ZCCHC3: variants seen among roughly 807,000 people sequenced by gnomAD.
The protein encoded by ZCCHC3 is zinc finger CCHC domain-containing protein 3.
A neutral mutation model predicts 18.4 loss-of-function variants in ZCCHC3; 20 were observed. That is an observed-to-expected ratio of 1.09 (90% CI 0.76 to 1.58). The LOEUF (loss-of-function observed/expected upper bound fraction) is 1.58. Ranked by LOEUF, ZCCHC3 falls within the 40% of genes most tolerant of loss-of-function variation. The pLI, the probability that ZCCHC3 is intolerant of heterozygous loss-of-function variation, is 0.00. For synonymous variants in ZCCHC3, 310 were observed against 232.7 expected, an observed-to-expected ratio of 1.33 and a Z score of -3.02; for missense variants, 548 against 511.2, an observed-to-expected ratio of 1.07 and a Z score of -0.69.
At position 298,884 on chromosome 20, in the gene ZCCHC3, T is replaced by G. The variant is rs773297580; in HGVS notation, c.*86T>G. On this transcript the variant is annotated 3_prime_UTR_variant, in exon 1 of 1. Transcript: ENST00000500893. The stretch of plus-strand genomic sequence containing the variant: ...TTTTTTTTAAACCATTTTTTATCGT[T>G]TTTGAAGGAGATCTTTTTAAAACCT... 12 of 1,419,972 alleles carry G rather than the reference T, an allele frequency of 8.5e-6. No individual in the cohort carries two copies. The highest frequency in any genetic ancestry group is 1.0e-5 in the Non-Finnish European group (11 of 1,072,592). The allele number at this position is 1,419,972 out of a possible 1,614,324, so 88.0% of individuals were successfully genotyped here.
At position 299,105 on chromosome 20, in the gene ZCCHC3, G is replaced by GCCCCCCC. The variant is rs143844000; in HGVS notation, c.*313_*314insCCCCCCC. On this transcript the variant is annotated 3_prime_UTR_variant, in exon 1 of 1. Coordinates refer to ENST00000500893, the MANE Select transcript of ZCCHC3 (RefSeq NM_033089.7). ...TCTTGTACTTTTTCTCTCTCTCCTT[G>GCCCCCCC]CCCCCCTCCCGCCCTCCCCGCCCCA... 1.3e-5 allele frequency: 3 copies of GCCCCCCC among 235,670 alleles called. No individual in the cohort carries two copies. Among genetic ancestry groups the GCCCCCCC allele is most frequent in the African/African-American group, 7.4e-5 (3 of 40,648 alleles). 14.6% of individuals were successfully genotyped at this position (235,670 alleles called of 1,614,324 possible).
Position 298,974 on chromosome 20 carries a change from G to T in ZCCHC3, c.*176G>T. 4 of 565,574 alleles carry T rather than the reference G, an allele frequency of 7.1e-6. No individual in the cohort carries two copies. Among genetic ancestry groups the T allele is most frequent in the Non-Finnish European group, 8.5e-6 (3 of 353,660 alleles). 35.0% of individuals were successfully genotyped at this position (565,574 alleles called of 1,614,324 possible). On this transcript the variant is annotated 3_prime_UTR_variant, in exon 1 of 1. Transcript: ENST00000500893. Reference sequence around the variant, plus strand: ...CTCCATTTCAGCCTGTTCTGAATTGGTGACTCTGTCACCAATAACGACTGC... The same window carrying T: ...CTCCATTTCAGCCTGTTCTGAATTGTTGACTCTGTCACCAATAACGACTGC...
Position 298,011 on chromosome 20 carries a change from C to T in ZCCHC3, c.425C>T (p.Ala142Val). The part of the protein sequence containing the change: ...AMATPARPGE[A>V]EDAAERPLQD... ...GCGACCCCGGCCAGGCCCGGCGAGGCCGAGGACGCGGCCGAGCGGCCCCTC... is the reference window on the plus strand; with the variant it reads ...GCGACCCCGGCCAGGCCCGGCGAGGTCGAGGACGCGGCCGAGCGGCCCCTC... Residue 142 changes from alanine (A) to valine (V), a missense_variant, in exon 1 of 1, where the codon GCC becomes GTC. Coordinates refer to ENST00000500893, the MANE Select transcript of ZCCHC3 (RefSeq NM_033089.7). The T allele has an allele frequency of 7.1e-7, 1 of 1,410,178 alleles. No homozygotes were observed. Among genetic ancestry groups the T allele is most frequent in the Non-Finnish European group, 9.2e-7 (1 of 1,088,250 alleles). 87.4% of individuals were successfully genotyped at this position (1,410,178 alleles called of 1,614,324 possible). A position where few individuals can be genotyped will look rare whatever the true frequency, so the allele number is the denominator to read the frequency against.
rs933658122 is a variant in ZCCHC3 at position 297,648 on chromosome 20, C to T, written c.62C>T (p.Pro21Leu). ...CGGGGGCGGCCGCAGCTTCTGCCCC[C>T]CGCGCGGCCCGCGGCCCGGGGCGAG... ...RKRGRPQLLPPARPAARGEEA... is the reference protein window; with the variant it reads ...RKRGRPQLLPLARPAARGEEA... Residue 21 changes from proline (P) to leucine (L), a missense_variant, in exon 1 of 1, where the codon CCC becomes CTC. Physicochemically the swap from Pro to Leu is moderately conservative, Grantham distance 98 (BLOSUM62 -3). Coordinates refer to ENST00000500893, the MANE Select transcript of ZCCHC3 (RefSeq NM_033089.7). 3 of 1,370,580 alleles carry T rather than the reference C, an allele frequency of 2.2e-6. No individual in the cohort carries two copies. Among genetic ancestry groups the T allele is most frequent in the African/African-American group, 1.5e-5 (1 of 65,124 alleles). The allele number at this position is 1,370,580 out of a possible 1,614,324, so 84.9% of individuals were successfully genotyped here.
chr20:297,736 G>T lies in ZCCHC3; in HGVS notation c.150G>T (p.Lys50Asn). Residue 50 changes from lysine to asparagine, a missense_variant, in exon 1 of 1, where the codon AAG becomes AAT. Coordinates refer to ENST00000500893, the MANE Select transcript of ZCCHC3 (RefSeq NM_033089.7). ...AGGTGGTGAAGAATCTAGCCGAGAAGAAGGGCGAATTCCGCGAGCCGCGGC... is the reference window on the plus strand; with the variant it reads ...AGGTGGTGAAGAATCTAGCCGAGAATAAGGGCGAATTCCGCGAGCCGCGGC... The part of the protein sequence containing the change: ...WAQVVKNLAE[K>N]KGEFREPRPP... 1 of 1,377,928 alleles carries T rather than the reference G, an allele frequency of 7.3e-7. No homozygotes were observed. Among genetic ancestry groups the T allele is most frequent in the Admixed American group, 3.2e-5 (1 of 30,938 alleles). The allele number at this position is 1,377,928 out of a possible 1,614,324, so 85.4% of individuals were successfully genotyped here. A position where few individuals can be genotyped will look rare whatever the true frequency, so the allele number is the denominator to read the frequency against.
Position 298,519 on chromosome 20 carries a change from G to A in ZCCHC3, c.933G>A (p.Arg311=). 1.3e-6 allele frequency: 1 copy of A among 754,396 alleles called. No individual in the cohort carries two copies. Among genetic ancestry groups the A allele is most frequent in the Non-Finnish European group, 2.5e-6 (1 of 404,000 alleles). 46.7% of individuals were successfully genotyped at this position (754,396 alleles called of 1,614,324 possible). ...TGCGCCAGGGGGAGGGCGGGGTCAG[G>A]CACTTGCCAGGGGCCTTCTTCCTGG... ...IELRQGEGGV[R]HLPGAFFLGA... is the part of the protein sequence containing the mutation. The change falls in exon 1 of 1, where the codon AGG becomes AGA. Residue 311 remains arginine, a synonymous_variant. Coordinates refer to ENST00000500893, the MANE Select transcript of ZCCHC3 (RefSeq NM_033089.7).
At position 297,770 on chromosome 20, in the gene ZCCHC3, C is replaced by T. The variant is rs1322898392; in HGVS notation, c.184C>T (p.Arg62Trp). ...ATTCCGCGAGCCGCGGCCGCCGCGG[C>T]GGGAGGAGGAAAGCGGCGGCGGTGG... ...GEFREPRPPRREEESGGGGGS... is the reference protein window; with the variant it reads ...GEFREPRPPRWEEESGGGGGS... Residue 62 changes from arginine to tryptophan, a missense_variant, in exon 1 of 1, where the codon CGG (arginine) becomes TGG (tryptophan). Coordinates refer to ENST00000500893, the MANE Select transcript of ZCCHC3 (RefSeq NM_033089.7). 7.3e-7 allele frequency: 1 copy of T among 1,375,316 alleles called. No individual in the cohort carries two copies. Among genetic ancestry groups the T allele is most frequent in the Non-Finnish European group, 9.4e-7 (1 of 1,059,210 alleles). 85.2% of individuals were successfully genotyped at this position (1,375,316 alleles called of 1,614,324 possible).
Position 298,501 on chromosome 20 carries a change from G to C in ZCCHC3, c.915G>C (p.Gln305His), listed in dbSNP as rs2012685377. Residue 305 changes from glutamine to histidine, a missense_variant, in exon 1 of 1, where the codon CAG (glutamine) becomes CAC (histidine). Physicochemically the swap from Gln to His is conservative, Grantham distance 24. Coordinates refer to ENST00000500893, the MANE Select transcript of ZCCHC3 (RefSeq NM_033089.7). Reference sequence around the variant, plus strand: ...ACAAATGCGAGATCGAGCTGCGCCAGGGGGAGGGCGGGGTCAGGCACTTGC... The same window carrying C: ...ACAAATGCGAGATCGAGCTGCGCCACGGGGAGGGCGGGGTCAGGCACTTGC... ...GEYKCEIELR[Q>H]GEGGVRHLPG... 1.3e-6 allele frequency: 1 copy of C among 759,116 alleles called. No individual in the cohort carries two copies. Among genetic ancestry groups the C allele is most frequent in the African/African-American group, 1.7e-5 (1 of 58,950 alleles). 47.0% of individuals were successfully genotyped at this position (759,116 alleles called of 1,614,324 possible).
Position 298,420 on chromosome 20 carries a change from C to T in ZCCHC3, c.834C>T (p.Asp278=), listed in dbSNP as rs376234010. The T allele has an allele frequency of 1.5e-5, 12 of 781,526 alleles. No individual in the cohort carries two copies. Among genetic ancestry groups the T allele is most frequent in the Non-Finnish European group, 2.9e-5 (12 of 418,630 alleles). 48.4% of individuals were successfully genotyped at this position (781,526 alleles called of 1,614,324 possible). The change falls in exon 1 of 1, where the codon GAC becomes GAT. Residue 278 remains aspartate, a synonymous_variant. Coordinates refer to ENST00000500893, the MANE Select transcript of ZCCHC3 (RefSeq NM_033089.7). ...TGACTTGGCTCAAGCGCCACTGCGA[C>T]GTGCTGGCCGTGCCGGTGAAAGTGA... ...DIVTWLKRHC[D]VLAVPVKVTD...
Position 297,655 on chromosome 20 carries a change from G to C in ZCCHC3, c.69G>C (p.Arg23=). Residue 23 remains arginine, a synonymous_variant, in exon 1 of 1, where the codon CGG becomes CGC. Transcript: ENST00000500893. ...RGRPQLLPPA[R]PAARGEEADG... ...GGCCGCAGCTTCTGCCCCCCGCGCG[G>C]CCCGCGGCCCGGGGCGAGGAGGCCG... 7.3e-7 allele frequency: 1 copy of C among 1,369,808 alleles called. No individual in the cohort carries two copies. The highest frequency in any genetic ancestry group is 9.4e-7 in the Non-Finnish European group (1 of 1,060,428). The allele number at this position is 1,369,808 out of a possible 1,614,324, so 84.9% of individuals were successfully genotyped here.
At position 298,127 on chromosome 20, in the gene ZCCHC3, C is replaced by A. The variant is rs958011150; in HGVS notation, c.541C>A (p.Arg181=). 1.9e-6 allele frequency: 3 copies of A among 1,600,626 alleles called. No individual in the cohort carries two copies. Among genetic ancestry groups the A allele is most frequent in the East Asian group, 2.2e-5 (1 of 44,764 alleles). Residue 181 remains arginine, a synonymous_variant, in exon 1 of 1, where the codon CGG becomes AGG. Transcript: ENST00000500893. ...FQGDEGACPT[R]DFVVGALILR... is the part of the protein sequence containing the mutation. The stretch of plus-strand genomic sequence containing the variant: ...GGGAGACGAGGGCGCCTGCCCGACC[C>A]GGGACTTCGTGGTAGGAGCGCTTAT...
In ZCCHC3 at chr20:300,069, C is replaced by G. The variant is rs2012719029; in HGVS notation, c.*1271C>G. ...TGGAGCTCATGTGCAACTCCTGATT[C>G]TCAGGAGAAAGATGGATTTTAACCC... On this transcript the variant is annotated 3_prime_UTR_variant, in exon 1 of 1. Transcript: ENST00000500893. The G allele has an allele frequency of 6.0e-6, 1 of 167,092 alleles. No homozygotes were observed. Among genetic ancestry groups the G allele is most frequent in the African/African-American group, 2.4e-5 (1 of 41,440 alleles). The allele number at this position is 167,092 out of a possible 1,614,324, so 10.4% of individuals were successfully genotyped here.
rs2012660246 is a variant in ZCCHC3 at position 297,608 on chromosome 20, G to A, written c.22G>A (p.Glu8Lys). The change falls in exon 1 of 1, where the codon GAG (glutamate) becomes AAG (lysine). Residue 8 changes from glutamate to lysine, a missense_variant. Physicochemically the swap from Glu to Lys is moderately conservative, Grantham distance 56. Coordinates refer to ENST00000500893, the MANE Select transcript of ZCCHC3 (RefSeq NM_033089.7). The part of the protein sequence containing the change: MATGGGA[E>K]EERKRGRPQL... ...TAAAATGGCCACCGGCGGCGGCGCG[G>A]AGGAAGAGAGGAAACGGGGGCGGCC... is the stretch of plus-strand genomic sequence containing the variant. 4 of 1,376,522 alleles carry A rather than the reference G, an allele frequency of 2.9e-6. No homozygotes were observed. The highest frequency in any genetic ancestry group is 3.8e-6 in the Non-Finnish European group (4 of 1,061,342). The allele number at this position is 1,376,522 out of a possible 1,614,324, so 85.3% of individuals were successfully genotyped here.
In ZCCHC3 at chr20:298,894, G is replaced by C; in HGVS notation, c.*96G>C. ...ACCATTTTTTATCGTTTTTGAAGGA[G>C]ATCTTTTTAAAACCTACAAGAGACA... On this transcript the variant is annotated 3_prime_UTR_variant, in exon 1 of 1. Transcript: ENST00000500893. 7.3e-7 allele frequency: 1 copy of C among 1,369,162 alleles called. No individual in the cohort carries two copies. The highest frequency in any genetic ancestry group is 9.7e-7 in the Non-Finnish European group (1 of 1,035,444). The allele number at this position is 1,369,162 out of a possible 1,614,324, so 84.8% of individuals were successfully genotyped here.
rs558164311 is a variant in ZCCHC3 at position 300,056 on chromosome 20, G to C, written c.*1258G>C. 1.6e-4 allele frequency: 27 copies of C among 167,208 alleles called. No homozygotes were observed. Among genetic ancestry groups the C allele is most frequent in the African/African-American group, 5.8e-4 (24 of 41,576 alleles). The allele number at this position is 167,208 out of a possible 1,614,324, so 10.4% of individuals were successfully genotyped here. ...AGAAGCAGCTAGCTGGAGCTCATGT[G>C]CAACTCCTGATTCTCAGGAGAAAGA... On this transcript the variant is annotated 3_prime_UTR_variant, in exon 1 of 1. Transcript: ENST00000500893.
At position 297,606 on chromosome 20, in the gene ZCCHC3, C is replaced by T. The variant is rs951221573; in HGVS notation, c.20C>T (p.Ala7Val). MATGGG[A>V]EEERKRGRPQ... ...GGTAAAATGGCCACCGGCGGCGGCGCGGAGGAAGAGAGGAAACGGGGGCGG... is the reference window on the plus strand; with the variant it reads ...GGTAAAATGGCCACCGGCGGCGGCGTGGAGGAAGAGAGGAAACGGGGGCGG... The change falls in exon 1 of 1, where the codon GCG (alanine) becomes GTG (valine). Residue 7 changes from alanine (A) to valine (V), a missense_variant. Physicochemically the swap from Ala to Val is moderately conservative, Grantham distance 64 (BLOSUM62 0). Transcript: ENST00000500893. 1 of 1,369,238 alleles carries T rather than the reference C, an allele frequency of 7.3e-7. No individual in the cohort carries two copies. The highest frequency in any genetic ancestry group is 9.5e-7 in the Non-Finnish European group (1 of 1,057,236). 84.8% of individuals were successfully genotyped at this position (1,369,238 alleles called of 1,614,324 possible). A position where few individuals can be genotyped will look rare whatever the true frequency, so the allele number is the denominator to read the frequency against.
In ZCCHC3 at chr20:298,956, T is replaced by A; in HGVS notation, c.*158T>A. 22 of 692,220 alleles carry A rather than the reference T, an allele frequency of 3.2e-5. No individual in the cohort carries two copies. The highest frequency in any genetic ancestry group is 2.9e-4 in the Middle Eastern group (1 of 3,422). 42.9% of individuals were successfully genotyped at this position (692,220 alleles called of 1,614,324 possible). ...CTTCTTAAACCGAGTTTACTCCATT[T>A]CAGCCTGTTCTGAATTGGTGACTCT... On this transcript the variant is annotated 3_prime_UTR_variant, in exon 1 of 1. Coordinates refer to ENST00000500893, the MANE Select transcript of ZCCHC3 (RefSeq NM_033089.7).
Position 297,773 on chromosome 20 carries a change from G to T in ZCCHC3, c.187G>T (p.Glu63Ter). 7.3e-7 allele frequency: 1 copy of T among 1,375,348 alleles called. No individual in the cohort carries two copies. The highest frequency in any genetic ancestry group is 1.7e-5 in the South Asian group (1 of 57,878). 85.2% of individuals were successfully genotyped at this position (1,375,348 alleles called of 1,614,324 possible). The change falls in exon 1 of 1, where the codon GAG becomes TAG. Residue 63 changes from glutamate to a stop codon, truncating the protein, a stop_gained. Transcript: ENST00000500893. LOFTEE classifies it high-confidence loss of function. ...EFREPRPPRR[E>*]EESGGGGGSA... ...CCGCGAGCCGCGGCCGCCGCGGCGG[G>T]AGGAGGAAAGCGGCGGCGGTGGAGG...
rs758189770 is a variant in ZCCHC3 at position 298,708 on chromosome 20, C to G, written c.1122C>G (p.Leu374=). 2 of 1,608,696 alleles carry G rather than the reference C, an allele frequency of 1.2e-6. No homozygotes were observed. Among genetic ancestry groups the G allele is most frequent in the South Asian group, 1.1e-5 (1 of 90,496 alleles). Residue 374 remains leucine, a synonymous_variant, in exon 1 of 1, where the codon CTC becomes CTG. Coordinates refer to ENST00000500893, the MANE Select transcript of ZCCHC3 (RefSeq NM_033089.7). ...PYCRKGIVCN[L]CGKRGHAFAQ... ...GCCGGAAGGGCATCGTGTGCAACCTCTGTGGCAAGCGAGGACACGCCTTTG... is the reference window on the plus strand; with the variant it reads ...GCCGGAAGGGCATCGTGTGCAACCTGTGTGGCAAGCGAGGACACGCCTTTG...
Sources: gnomAD v4.1 joint callset for allele counts on GRCh38, gnomAD v4.1.1 for gene constraint, MANE v1.5 for transcripts, NCBI Gene and HGNC (gene_info 2026-07-23, HGNC 2026-07-21) for gene names.